The following MACROD2 variants were observed in gnomAD, a reference collection of about 807,000 sequenced individuals.
MACROD2 encodes ADP-ribose glycohydrolase MACROD2.
A neutral mutation model predicts 70.4 loss-of-function variants in MACROD2; 36 were observed. The observed-to-expected ratio is 0.51, with a 90% CI of 0.39 to 0.68. The LOEUF is 0.68. MACROD2 is among the 30% of genes least tolerant of loss of function. The pLI, the probability that MACROD2 is intolerant of heterozygous loss-of-function variation, is 0.00. For missense variants in MACROD2, 496 were observed against 538.4 expected, an observed-to-expected ratio of 0.92 and a Z score of 0.78; for synonymous variants, 172 against 178.8, an observed-to-expected ratio of 0.96 and a Z score of 0.30.
chr20:15,024,568 A>G (rs903183495), intron 5 of MACROD2, among the ~76,000 whole-genome samples: 6 of 151,842 alleles, frequency 4.0e-5, no homozygotes, highest in Non-Finnish European at 7.4e-5. Context: ...GTTAAAACAT[A>G]TGGGAATTTT....
intron 1 of MACROD2, among the ~76,000 whole-genome samples, chr20:13,999,457 C>G (rs898620179): frequency 3.3e-5 from 5 of 152,140 alleles, no homozygotes; most frequent in African/African-American, 1.2e-4. Context: ...ATGCTCAGTA[C>G]TATTCTTAGT....
intron 5 of MACROD2, among the ~76,000 whole-genome samples, chr20:15,193,256 T>C (rs1190096513): frequency 1.3e-5 from 2 of 152,204 alleles, no homozygotes; most frequent in Non-Finnish European, 2.9e-5. Context: ...TCTTCCAAAA[T>C]CTATATCAAA....
At chr20:15,278,188 G>C (rs908063827) in intron 6 of MACROD2, among the ~76,000 whole-genome samples, 2 of 152,144 alleles carry the variant, frequency 1.3e-5, no homozygotes, top group Admixed American at 1.3e-4. Flanking sequence ...GAGTTCTGAA[G>C]GATAAAGCTT....
chr20:15,802,330 T>C (rs1325474886), intron 8 of MACROD2, among the ~76,000 whole-genome samples: 1 of 152,168 alleles, frequency 6.6e-6, no homozygotes, highest in African/African-American at 2.4e-5. Flanking sequence ...TGTGGGTTTG[T>C]CATATATAGC....
At chr20:14,702,612 TGTATATATATATAC>T (rs1352218088) in intron 5 of MACROD2, among the ~76,000 whole-genome samples, 91 of 62,976 alleles carry the variant, frequency 1.4e-3, no homozygotes, top group East Asian at 4.6e-3. Flanking sequence ...TATATATATG[TGTATATATATATAC>T]ATATATATAT....
intron 5 of MACROD2, among the ~76,000 whole-genome samples, chr20:14,695,135 T>G (rs73262806): frequency 0.017 from 2,527 of 152,142 alleles, 76 homozygotes; most frequent in African/African-American, 0.057. Context: ...AAGCAGAAAT[T>G]TATTCTCTCT....
At chr20:15,927,596 G>A (rs2065509802) in intron 10 of MACROD2, among the ~76,000 whole-genome samples, 1 of 152,038 alleles carries the variant, frequency 6.6e-6, no homozygotes, top group East Asian at 1.9e-4. Flanking sequence ...AGCGTGTAAA[G>A]GCCTGGTGCA....
At chr20:15,682,971 A>C (rs2050180042) in intron 8 of MACROD2, among the ~76,000 whole-genome samples, 1 of 152,174 alleles carries the variant, frequency 6.6e-6, no homozygotes. Context: ...CAATTTATTA[A>C]ATATTTCCTG....
chr20:15,458,641 A>ATTT (rs1568823473), intron 7 of MACROD2, among the ~76,000 whole-genome samples: 174 of 128,776 alleles, frequency 1.4e-3, no homozygotes, highest in African/African-American at 1.8e-3. Context: ...TTTTTTTTTA[A>ATTT]AAAAAAAAAA....
At chr20:15,228,243 T>C (rs1284591722) in intron 5 of MACROD2, among the ~76,000 whole-genome samples, 1 of 152,186 alleles carries the variant, frequency 6.6e-6, no homozygotes, top group Non-Finnish European at 1.5e-5. Flanking sequence ...TATATTGTAG[T>C]GGTTCTCACT....
chr20:15,930,169 C>G (rs1447503789), intron 10 of MACROD2, among the ~76,000 whole-genome samples: 1 of 152,204 alleles, frequency 6.6e-6, no homozygotes, highest in Non-Finnish European at 1.5e-5. Context: ...CTGGAAACCT[C>G]AAGTTTACAC....
At chr20:14,477,464 T>G (rs1600281424) in intron 3 of MACROD2, among the ~76,000 whole-genome samples, 1 of 152,174 alleles carries the variant, frequency 6.6e-6, no homozygotes, top group Non-Finnish European at 1.5e-5. Flanking sequence ...ATAGAAAACA[T>G]CAGGCTCTTG....
chr20:14,492,847 T>G (rs1263784372), intron 3 of MACROD2, among the ~76,000 whole-genome samples: 1 of 152,118 alleles, frequency 6.6e-6, no homozygotes, highest in Non-Finnish European at 1.5e-5. Context: ...AAATTTGACC[T>G]TGTGAAAGAA....
chr20:14,584,654 A>G (rs969821210), intron 4 of MACROD2, among the ~76,000 whole-genome samples: 5 of 152,178 alleles, frequency 3.3e-5, no homozygotes, highest in African/African-American at 1.2e-4. Flanking sequence ...AACATTTGAA[A>G]TTTGGTGGGG....
intron 8 of MACROD2, among the ~76,000 whole-genome samples, chr20:15,767,491 A>G (rs2051547733): frequency 6.6e-6 from 1 of 152,244 alleles, no homozygotes; most frequent in South Asian, 2.1e-4. Context: ...TTTGCAACTC[A>G]TGCTGACAAG....
intron 4 of MACROD2, among the ~76,000 whole-genome samples, chr20:14,617,954 T>C (rs1326671062): frequency 1.3e-5 from 2 of 152,022 alleles, no homozygotes; most frequent in Non-Finnish European, 2.9e-5. Context: ...CTGAAGGGAG[T>C]CACAAAGGAA....
intron 5 of MACROD2, among the ~76,000 whole-genome samples, chr20:14,875,769 G>A (rs12480695): frequency 5.5e-4 from 84 of 152,104 alleles, no homozygotes; most frequent in Non-Finnish European, 8.8e-4. Flanking sequence ...CATTCACTTA[G>A]GATAATGACC....
At chr20:15,382,158 G>A (rs917300509) in intron 6 of MACROD2, among the ~76,000 whole-genome samples, 19 of 152,122 alleles carry the variant, frequency 1.2e-4, no homozygotes, top group African/African-American at 4.6e-4. Flanking sequence ...TGACGAGCAG[G>A]AGGAGAAGTA....
At chr20:15,170,057 A>C (rs919398526) in intron 5 of MACROD2, among the ~76,000 whole-genome samples, 1 of 152,234 alleles carries the variant, frequency 6.6e-6, no homozygotes, top group Non-Finnish European at 1.5e-5. Context: ...TACAAGCCAG[A>C]TGGTAATCAG....
Sources: allele counts gnomAD v4.1 joint callset (sites outside exome capture counted in the v4.1 genomes callset), GRCh38; gene constraint gnomAD v4.1.1; transcripts MANE v1.5; gene names NCBI Gene and HGNC (gene_info 2026-07-23, HGNC 2026-07-21).